The following PALS2 variants were observed in gnomAD, a reference collection of about 807,000 sequenced individuals.
PALS2 encodes the protein protein associated with LIN7 2, MAGUK p55 family member, also known as protein PALS2.
In PALS2, 27 loss-of-function variants were observed where a neutral mutation model predicts 61.6. The ratio of observed to expected loss-of-function variants is 0.44; its 90% CI spans 0.32 to 0.60. The LOEUF (loss-of-function observed/expected upper bound fraction) is 0.60. Ranked by LOEUF, PALS2 falls within the 20% of genes least tolerant of loss-of-function variation. PALS2 has a pLI of 0.05. For synonymous variants in PALS2, 236 were observed against 218.6 expected (o/e 1.08, Z -0.70); for missense variants, 554 against 639.4 (o/e 0.87, Z 1.44).
intron 2 of PALS2, among the ~76,000 whole-genome samples, chr7:24,626,330 A>G (rs1784741358): frequency 6.6e-6 from 1 of 152,164 alleles, no homozygotes; most frequent in African/African-American, 2.4e-5. Context: ...AAAGATAACA[A>G]TATGTGAAAC....
chr7:24,640,826 G>A (rs549323532), intron 2 of PALS2, among the ~76,000 whole-genome samples: 20 of 152,018 alleles, frequency 1.3e-4, no homozygotes, highest in African/African-American at 4.3e-4. Context: ...GGCTAACATG[G>A]TGAAACCCTG....
Position 24,649,656 on chromosome 7 carries a change from T to C in PALS2, c.315T>C (p.Asp105=), listed in dbSNP as rs755367810. 6.2e-6 allele frequency: 10 copies of C among 1,612,162 alleles called. No homozygotes were observed. Among genetic ancestry groups the C allele is most frequent in the South Asian group, 2.2e-5 (2 of 90,716 alleles). ...ATATTGTGGCATCAAAGTGTTATGA[T>C]TCACCTCCATCAAGCCCAGAAATGA... ...AHDIVASKCY[D]SPPSSPEMNN... is the part of the protein sequence containing the mutation. Residue 105 remains aspartate, a synonymous_variant, in exon 4 of 12, where the codon GAT becomes GAC. Transcript: ENST00000222644.
chr7:24,584,617 G>A (rs1212000815), intron 1 of PALS2, among the ~76,000 whole-genome samples: 4 of 151,612 alleles, frequency 2.6e-5, no homozygotes, highest in Admixed American at 6.6e-5. Flanking sequence ...TAGGTTGCCT[G>A]TTCACTCTGA....
chr7:24,592,077 T>G (rs1452102964), intron 1 of PALS2, among the ~76,000 whole-genome samples: 1 of 152,110 alleles, frequency 6.6e-6, no homozygotes, highest in Non-Finnish European at 1.5e-5. Flanking sequence ...TTCTTCCACC[T>G]CAGCTGGGAC....
rs1025484558 is a variant in PALS2 at position 24,650,552 on chromosome 7, A to C, written c.491A>C (p.Asp164Ala). The C allele has an allele frequency of 2.5e-6, 4 of 1,613,580 alleles. No individual in the cohort carries two copies. Among genetic ancestry groups the C allele is most frequent in the African/African-American group, 1.3e-5 (1 of 74,906 alleles). The change falls in exon 5 of 12, where the codon GAT becomes GCT. Residue 164 changes from aspartate (D) to alanine (A), a missense_variant. Coordinates refer to ENST00000222644, the MANE Select transcript of PALS2 (RefSeq NM_001303037.2). ...CGAATCCTCCATGGGGGAATGATAGATCGACAAGGTCTACTTCATGTGGGA... is the reference window on the plus strand; with the variant it reads ...CGAATCCTCCATGGGGGAATGATAGCTCGACAAGGTCTACTTCATGTGGGA... ...IARILHGGMI[D>A]RQGLLHVGDI...
At chr7:24,652,658 C>T (rs1786217661) in intron 5 of PALS2, among the ~76,000 whole-genome samples, 1 of 151,972 alleles carries the variant, frequency 6.6e-6, no homozygotes, top group East Asian at 1.9e-4. Flanking sequence ...ACCAGGGCAT[C>T]TGCAAACCAT....
At chr7:24,604,221 A>G (rs1229644542) in intron 1 of PALS2, among the ~76,000 whole-genome samples, 1 of 123,310 alleles carries the variant, frequency 8.1e-6, no homozygotes, top group Non-Finnish European at 1.8e-5. Flanking sequence ...CAAGAAAAGA[A>G]AAAAAAAAAA....
At chr7:24,625,578 A>G (rs945260776) in intron 2 of PALS2, among the ~76,000 whole-genome samples, 2 of 152,132 alleles carry the variant, frequency 1.3e-5, no homozygotes, top group African/African-American at 4.8e-5. Context: ...ACCTACTCCA[A>G]CACCGGGTGA....
intron 1 of PALS2, among the ~76,000 whole-genome samples, chr7:24,605,184 C>G (rs976758787): frequency 6.6e-6 from 1 of 152,274 alleles, no homozygotes; most frequent in African/African-American, 2.4e-5. Context: ...TATTACTAAA[C>G]TTTCATAGTC....
chr7:24,651,530 C>T (rs1786148850), intron 5 of PALS2, among the ~76,000 whole-genome samples: 1 of 152,158 alleles, frequency 6.6e-6, no homozygotes, highest in African/African-American at 2.4e-5. Context: ...CAACACCTGG[C>T]ACATAATGAG....
chr7:24,639,353 G>A (rs1297883915), intron 2 of PALS2, among the ~76,000 whole-genome samples: 1 of 151,314 alleles, frequency 6.6e-6, no homozygotes, highest in Non-Finnish European at 1.5e-5. Flanking sequence ...ACCTTTTTTT[G>A]CATCAGTTTC....
intron 1 of PALS2, among the ~76,000 whole-genome samples, chr7:24,597,737 A>G (rs79605385): frequency 0.067 from 10,169 of 152,196 alleles, 406 homozygotes; most frequent in African/African-American, 0.11. Flanking sequence ...ATAAAGAATG[A>G]TGGTAATGTA....
At chr7:24,605,867 A>G (rs1783881337) in intron 1 of PALS2, among the ~76,000 whole-genome samples, 2 of 152,192 alleles carry the variant, frequency 1.3e-5, no homozygotes, top group Admixed American at 6.5e-5. Flanking sequence ...AGAAGTTTCT[A>G]TACAAATTCA....
At chr7:24,582,431 T>C (rs1255121491) in intron 1 of PALS2, among the ~76,000 whole-genome samples, 1 of 152,214 alleles carries the variant, frequency 6.6e-6, no homozygotes, top group Non-Finnish European at 1.5e-5. Flanking sequence ...GAACATTTTG[T>C]TTTAGTTCTG....
chr7:24,648,347 C>CAATGGTGCA (rs1251738672), intron 3 of PALS2, among the ~76,000 whole-genome samples: 2 of 136,442 alleles, frequency 1.5e-5, no homozygotes, highest in Non-Finnish European at 3.0e-5. Flanking sequence ...GGCTGGAGTA[C>CAATGGTGCA]AATGGTGCAA....
At chr7:24,655,906 G>C (rs1437905248) in intron 5 of PALS2, among the ~76,000 whole-genome samples, 1 of 152,088 alleles carries the variant, frequency 6.6e-6, no homozygotes, top group East Asian at 1.9e-4. Flanking sequence ...TATCAGAAAG[G>C]AACGTGGATT....
chr7:24,585,864 A>G (rs1033038308), intron 1 of PALS2, among the ~76,000 whole-genome samples: 3 of 152,076 alleles, frequency 2.0e-5, no homozygotes, highest in Middle Eastern at 6.8e-3. Context: ...TGCCTCTGTT[A>G]TCTCTTCTAA....
chr7:24,611,644 T>C (rs1009307617), intron 1 of PALS2, among the ~76,000 whole-genome samples: 5 of 152,042 alleles, frequency 3.3e-5, no homozygotes, highest in African/African-American at 1.2e-4. Flanking sequence ...TTATGAAGTA[T>C]AGAGTACTAT....
chr7:24,672,999 A>G (rs1787377493), intron 9 of PALS2, among the ~76,000 whole-genome samples: 1 of 152,168 alleles, frequency 6.6e-6, no homozygotes, highest in East Asian at 1.9e-4. Context: ...TCTTAAGGAG[A>G]AAGGAGAAAG....
Sources: allele counts gnomAD v4.1 joint callset (sites outside exome capture counted in the v4.1 genomes callset), GRCh38; gene constraint gnomAD v4.1.1; transcripts MANE v1.5; gene names NCBI Gene and HGNC (gene_info 2026-07-23, HGNC 2026-07-21).